The following GGPS1 variants were observed in gnomAD, a reference collection of about 807,000 sequenced individuals.
The protein encoded by GGPS1 is geranylgeranyl diphosphate synthase 1.
GGPS1 carries 15 observed loss-of-function variants against 28.1 expected under a neutral mutation model. The ratio of observed to expected loss-of-function variants is 0.53; its 90% CI spans 0.36 to 0.82. GGPS1 has a LOEUF of 0.82. Among genes scored for constraint, GGPS1 ranks in the 40% least tolerant of loss-of-function variants. GGPS1 has a pLI of 0.01. For missense variants in GGPS1, 284 were observed against 348.3 expected, an observed-to-expected ratio of 0.82 and a Z score of 1.47; for synonymous variants, 138 against 122.4, an observed-to-expected ratio of 1.13 and a Z score of -0.84.
chr1:235,330,768 A>C (rs74612557), intron 1 of GGPS1, among the ~76,000 whole-genome samples: 5,859 of 152,304 alleles, frequency 0.038, 420 homozygotes, highest in African/African-American at 0.13. Context: ...TCCTGACACA[A>C]AAGGGAATTC....
rs1185546309 is a variant in GGPS1 at position 235,342,037 on chromosome 1, G to C, written c.168G>C (p.Leu56Phe). 1.3e-6 allele frequency: 2 copies of C among 1,592,416 alleles called. No homozygotes were observed. The highest frequency in any genetic ancestry group is 3.6e-5 in the Admixed American group (2 of 55,698). The change falls in exon 4 of 4, where the codon TTG becomes TTC. Residue 56 changes from leucine (L) to phenylalanine (F), a missense_variant. Physicochemically the swap from Leu to Phe is conservative, Grantham distance 22 (BLOSUM62 0). Transcript: ENST00000282841. Reference protein sequence around the residue: ...LQIIIEVTEMLHNASLLIDDI... With the variant: ...LQIIIEVTEMFHNASLLIDDI... The stretch of plus-strand genomic sequence containing the variant: ...TTATTATTGAAGTGACAGAAATGTT[G>C]CATAATGCCAGTTTACTCATCGATG...
chr1:235,337,325 T>C (rs1675900335), intron 2 of GGPS1, among the ~76,000 whole-genome samples: 1 of 152,206 alleles, frequency 6.6e-6, no homozygotes, highest in Admixed American at 6.5e-5. Context: ...GACCACCTTC[T>C]GTGACTTCCT....
At chr1:235,335,757 T>A (rs1357126581) in intron 2 of GGPS1, among the ~76,000 whole-genome samples, 1 of 152,206 alleles carries the variant, frequency 6.6e-6, no homozygotes, top group Non-Finnish European at 1.5e-5. Context: ...CTTAAAACAT[T>A]TTGGTATCTC....
At chr1:235,329,386 G>A (rs1675609433) in intron 1 of GGPS1, 1 of 152,298 alleles carries the variant, frequency 6.6e-6, no homozygotes, top group Non-Finnish European at 1.5e-5. Context: ...GAGACGGACA[G>A]ATGCTGAACA....
chr1:235,333,067 CAAAAAA>C (rs5781828), intron 1 of GGPS1, among the ~76,000 whole-genome samples: 11 of 43,318 alleles, frequency 2.5e-4, no homozygotes, highest in African/African-American at 1.3e-3. Flanking sequence ...GACTCCGTCT[CAAAAAA>C]AAAAAAAAAA....
In GGPS1 at chr1:235,344,501, C is replaced by G. The variant is rs1676144592; in HGVS notation, c.*1729C>G. The G allele has an allele frequency of 6.0e-6, 1 of 166,964 alleles. No homozygotes were observed. Among genetic ancestry groups the G allele is most frequent in the Non-Finnish European group, 1.5e-5 (1 of 68,100 alleles). The allele number at this position is 166,964 out of a possible 1,614,324, so 10.3% of individuals were successfully genotyped here. ...AAAAATCTAACACTGACTATAGAAA[C>G]AAATTAAAATGTCTACCTTTAAGTA... is the stretch of plus-strand genomic sequence containing the variant. On this transcript the variant is annotated 3_prime_UTR_variant, in exon 4 of 4. Coordinates refer to ENST00000282841, the MANE Select transcript of GGPS1 (RefSeq NM_004837.4).
intron 3 of GGPS1, 72 bp downstream of exon 3, chr1:235,341,850 T>C (rs1676053728): frequency 9.9e-7 from 1 of 1,005,978 alleles, no homozygotes; most frequent in African/African-American, 1.6e-5. Flanking sequence ...TCCTAGTTCT[T>C]GATTGAATTT....
chr1:235,334,853 T>G (rs755798525), intron 1 of GGPS1, among the ~76,000 whole-genome samples: 1 of 152,188 alleles, frequency 6.6e-6, no homozygotes, highest in Non-Finnish European at 1.5e-5. Context: ...TTCTCCTGCC[T>G]CAGCCTCCCA....
chr1:235,332,256 A>C (rs1675739021), intron 1 of GGPS1, among the ~76,000 whole-genome samples: 1 of 152,190 alleles, frequency 6.6e-6, no homozygotes, highest in African/African-American at 2.4e-5. Flanking sequence ...TCCATTGTCT[A>C]TCATTCCACA....
intron 2 of GGPS1, among the ~76,000 whole-genome samples, chr1:235,341,237 G>A (rs1247696527): frequency 1.3e-5 from 2 of 152,086 alleles, no homozygotes; most frequent in African/African-American, 4.8e-5. Context: ...TGAGGCACGA[G>A]AATCATGTGA....
chr1:235,339,366 G>T (rs1033314880), intron 2 of GGPS1, among the ~76,000 whole-genome samples: 12 of 152,218 alleles, frequency 7.9e-5, no homozygotes, highest in African/African-American at 2.9e-4. Context: ...TACTCGGGAG[G>T]CTGAGACAGG....
At chr1:235,329,662 T>G (rs901741680) in intron 1 of GGPS1, 5 of 152,250 alleles carry the variant, frequency 3.3e-5, no homozygotes, top group African/African-American at 1.2e-4. Flanking sequence ...AGAGATGGGA[T>G]GAGGGGGAGT....
chr1:235,342,690 A>G lies in GGPS1; in HGVS notation c.821A>G (p.Gln274Arg). ...LKELEAKAYK[Q>R]IDARGGNPEL... is the part of the protein sequence containing the mutation. The stretch of plus-strand genomic sequence containing the variant: ...GAGCTTGAAGCTAAAGCCTATAAAC[A>G]GATTGATGCACGTGGTGGGAACCCT... Residue 274 changes from glutamine to arginine, a missense_variant, in exon 4 of 4, where the codon CAG becomes CGG. Transcript: ENST00000282841. The G allele has an allele frequency of 6.2e-7, 1 of 1,608,762 alleles. No individual in the cohort carries two copies. Among genetic ancestry groups the G allele is most frequent in the South Asian group, 1.1e-5 (1 of 90,548 alleles).
rs114880700 is a variant in GGPS1, at chr1:235,343,198, C to T, written c.*426C>T. 0.042 allele frequency: 7,009 copies of T among 168,290 alleles called. 534 individuals carry two copies. The highest frequency in any genetic ancestry group is 0.15 in the African/African-American group (6,302 of 41,508). The allele number at this position is 168,290 out of a possible 1,614,324, so 10.4% of individuals were successfully genotyped here. On this transcript the variant is annotated 3_prime_UTR_variant, in exon 4 of 4. Coordinates refer to ENST00000282841, the MANE Select transcript of GGPS1 (RefSeq NM_004837.4). ...ACCACAAATCTCTTTTTTTCCTAAA[C>T]GCTGCTGTAAGGAATATCTCACTTT...
chr1:235,342,347 G>A lies in GGPS1; in HGVS notation c.478G>A (p.Val160Ile). The change falls in exon 4 of 4, where the codon GTA (valine) becomes ATA (isoleucine). Residue 160 changes from valine to isoleucine, a missense_variant. Coordinates refer to ENST00000282841, the MANE Select transcript of GGPS1 (RefSeq NM_004837.4). ...AACAGGTGGACTGTTTGGATTAGCA[G>A]TAGGTCTCATGCAGTTGTTCTCTGA... ...QKTGGLFGLA[V>I]GLMQLFSDYK... 1 of 1,613,888 alleles carries A rather than the reference G, an allele frequency of 6.2e-7. No individual in the cohort carries two copies. The highest frequency in any genetic ancestry group is 8.5e-7 in the Non-Finnish European group (1 of 1,179,714).
chr1:235,330,927 T>A (rs1675693143), intron 1 of GGPS1, among the ~76,000 whole-genome samples: 1 of 152,230 alleles, frequency 6.6e-6, no homozygotes, highest in Admixed American at 6.5e-5. Context: ...GATCCTTTTT[T>A]AATTCTACTT....
At position 235,340,588 on chromosome 1, in the gene GGPS1, G is replaced by T. The variant is rs1430641966; in HGVS notation, c.71-1120G>T. 2.3e-4 allele frequency among the ~76,000 whole-genome samples: 34 copies of T among 150,774 alleles called. No homozygotes were observed. In the South Asian group the frequency reaches 4.2e-3, roughly 19 times the overall value. ...CGTCTCTACTAAAAATACAAAAAAT[G>T]AGCCGGGCGTGGTAGCGGGCGCCTG... On this transcript the variant is annotated intron_variant, in intron 2 of 3. Transcript: ENST00000282841.
At position 235,328,665 on chromosome 1, in the gene GGPS1, G is replaced by A. The variant is rs746036760; in HGVS notation, c.-137G>A. 6.5e-6 allele frequency: 1 copy of A among 152,822 alleles called. No homozygotes were observed. Among genetic ancestry groups the A allele is most frequent in the Non-Finnish European group, 1.5e-5 (1 of 68,148 alleles). 9.5% of individuals were successfully genotyped at this position (152,822 alleles called of 1,614,324 possible). ...AGTTCTGTGGTGAAATAGTGGGAAG[G>A]ATTCATGTAGGCATCGGGAAGAGCC... On this transcript the variant is annotated 5_prime_UTR_variant, in exon 1 of 4. Transcript: ENST00000282841.
chr1:235,336,173 A>T (rs1040142744), intron 2 of GGPS1, among the ~76,000 whole-genome samples: 5 of 152,176 alleles, frequency 3.3e-5, no homozygotes, highest in Non-Finnish European at 7.4e-5. Context: ...CGGGCGGATC[A>T]TGAGGTCAAG....
Sources: gnomAD v4.1 joint callset for allele counts (sites outside exome capture counted in the v4.1 genomes callset) on GRCh38, gnomAD v4.1.1 for gene constraint, MANE v1.5 for transcripts, NCBI Gene and HGNC (gene_info 2026-07-23, HGNC 2026-07-21) for gene names.